The following FAM184A variants were observed in gnomAD, a reference collection of about 807,000 sequenced individuals.
FAM184A encodes family with sequence similarity 184 member A.
In FAM184A, 99 loss-of-function variants were observed where a neutral mutation model predicts 143.8. The ratio of observed to expected loss-of-function variants is 0.69; its 90% CI spans 0.58 to 0.81. The LOEUF (loss-of-function observed/expected upper bound fraction) is 0.81. FAM184A is among the 40% of genes least tolerant of loss of function. The pLI, the probability that FAM184A is intolerant of heterozygous loss-of-function variation, is 0.00. For missense variants in FAM184A, 1,217 were observed against 1,310.5 expected (o/e 0.93, Z 1.10); for synonymous variants, 427 against 446.4 (o/e 0.96, Z 0.55).
chr6:119,117,295 T>A (rs1244277798), intron 1 of FAM184A, among the ~76,000 whole-genome samples: 1 of 152,176 alleles, frequency 6.6e-6, no homozygotes, highest in East Asian at 1.9e-4. Flanking sequence ...TTGGTGACCA[T>A]GTACATAGTG....
intron 14 of FAM184A, among the ~76,000 whole-genome samples, chr6:118,969,932 A>C (rs1783625233): frequency 7.6e-6 from 1 of 131,512 alleles, no homozygotes; most frequent in South Asian, 2.5e-4. Context: ...GCTGTTTTTA[A>C]GTTGGTTCTT....
At chr6:119,116,785 T>G (rs1789074141) in intron 1 of FAM184A, among the ~76,000 whole-genome samples, 1 of 152,182 alleles carries the variant, frequency 6.6e-6, no homozygotes, top group African/African-American at 2.4e-5. Flanking sequence ...ATTTTCAGGC[T>G]TAGGGAACAG....
intron 1 of FAM184A, among the ~76,000 whole-genome samples, chr6:119,058,940 GGTT>G (rs564937961): frequency 3.8e-4 from 57 of 151,598 alleles, no homozygotes; most frequent in African/African-American, 1.4e-3. Flanking sequence ...ATAATATAAT[GGTT>G]ATTTTATTTT....
In FAM184A at chr6:119,020,150, C is replaced by A; in HGVS notation, c.1160G>T (p.Gly387Val). ...GGTCATTTGAGTTGCTTGAAGCATT[C>A]CAATATGACCTATCCCCCAAAAAGA... The part of the protein sequence containing the change: ...SDLVLKASHI[G>V]MLQATQMTQE... Residue 387 changes from glycine to valine, a missense_variant, in exon 4 of 18, where the codon GGA becomes GTA. Coordinates refer to ENST00000338891, the MANE Select transcript of FAM184A (RefSeq NM_024581.6). The A allele has an allele frequency of 1.3e-6, 2 of 1,556,332 alleles. No homozygotes were observed. Among genetic ancestry groups the A allele is most frequent in the African/African-American group, 1.4e-5 (1 of 72,198 alleles).
chr6:119,062,070 G>C (rs1356166495), intron 1 of FAM184A, among the ~76,000 whole-genome samples: 1 of 151,994 alleles, frequency 6.6e-6, no homozygotes, highest in Non-Finnish European at 1.5e-5. Flanking sequence ...TTACCATTTT[G>C]AACACAGCCA....
chr6:119,130,358 A>G (rs572206662), intron 1 of FAM184A, among the ~76,000 whole-genome samples: 1 of 152,240 alleles, frequency 6.6e-6, no homozygotes, highest in South Asian at 2.1e-4. Context: ...GACTCAGGGA[A>G]TAGAAATAAA....
At chr6:119,079,800 G>A (rs959406285), upstream of FAM184A, among the ~76,000 whole-genome samples, 1 of 152,196 alleles carries the variant, frequency 6.6e-6, no homozygotes, top group Non-Finnish European at 1.5e-5. Flanking sequence ...TAAACAAGGT[G>A]AAGGTTTAAT....
chr6:119,058,125 T>C (rs999489777), intron 1 of FAM184A, among the ~76,000 whole-genome samples: 2 of 150,678 alleles, frequency 1.3e-5, no homozygotes, highest in Non-Finnish European at 3.0e-5. Flanking sequence ...TCTTCTACAA[T>C]GTGACCTGCC....
intron 1 of FAM184A, among the ~76,000 whole-genome samples, chr6:119,143,103 C>G (rs1772300741): frequency 1.3e-5 from 2 of 152,108 alleles, no homozygotes; most frequent in African/African-American, 4.8e-5. Flanking sequence ...TTTTAGTTTT[C>G]AGAACTGTGA....
chr6:118,968,624 G>A (rs1207484550), intron 14 of FAM184A, among the ~76,000 whole-genome samples: 1 of 152,218 alleles, frequency 6.6e-6, no homozygotes, highest in African/African-American at 2.4e-5. Flanking sequence ...AGAGGTCACT[G>A]GAGCACTTTC....
rs1785557139 is a variant in FAM184A, at chr6:119,024,367, C to T, written c.606G>A (p.Leu202=). The T allele has an allele frequency of 2.5e-6, 4 of 1,614,078 alleles. No individual in the cohort carries two copies. The highest frequency in any genetic ancestry group is 3.4e-6 in the Non-Finnish European group (4 of 1,180,056). The change falls in exon 2 of 18, where the codon TTG becomes TTA. Residue 202 remains leucine, a synonymous_variant. Transcript: ENST00000338891. ...AGGCACTGTGATCCTGCTGTGACTT[C>T]AATAGCTCTTGTATCTCCCGTCTGT... is the stretch of plus-strand genomic sequence containing the variant. ...AAHRREIQEL[L]KSQQDHSASV...
At chr6:118,970,914 T>A (rs1583766629) in intron 14 of FAM184A, among the ~76,000 whole-genome samples, 1 of 152,172 alleles carries the variant, frequency 6.6e-6, no homozygotes, top group African/African-American at 2.4e-5. Context: ...ATACAAAGTT[T>A]CCAAGTTATA....
At chr6:119,119,346 CT>C (rs1789147390) in intron 1 of FAM184A, among the ~76,000 whole-genome samples, 1 of 152,190 alleles carries the variant, frequency 6.6e-6, no homozygotes, top group Non-Finnish European at 1.5e-5. Context: ...TTGAAAATCA[CT>C]AATAAAAACT....
chr6:119,114,689 A>G (rs1243577411), intron 1 of FAM184A, among the ~76,000 whole-genome samples: 2 of 152,066 alleles, frequency 1.3e-5, no homozygotes, highest in African/African-American at 4.8e-5. Flanking sequence ...CTGCAGGTAT[A>G]TGCCACCATG....
intron 1 of FAM184A, among the ~76,000 whole-genome samples, chr6:119,138,940 T>C (rs1243647754): frequency 6.6e-6 from 1 of 151,786 alleles, no homozygotes; most frequent in African/African-American, 2.4e-5. Context: ...TCATTTATAA[T>C]GATTCTTGTG....
upstream of FAM184A, among the ~76,000 whole-genome samples, chr6:119,080,491 C>T (rs2114805877): frequency 1.3e-5 from 2 of 152,222 alleles, no homozygotes; most frequent in African/African-American, 4.8e-5. Context: ...AATATTTTTC[C>T]CCACGACAAT....
chr6:119,006,518 T>C lies in FAM184A; in HGVS notation c.1744A>G (p.Arg582Gly). The change falls in exon 7 of 18, where the codon AGG (arginine) becomes GGG (glycine). Residue 582 changes from arginine to glycine, a missense_variant. Coordinates refer to ENST00000338891, the MANE Select transcript of FAM184A (RefSeq NM_024581.6). The part of the protein sequence containing the change: ...LIASLQDSQE[R>G]LQNELDLTKD... ...GTCAAGTCAAGCTCATTCTGAAGCCTTTCCTGGGAGTCCTGAAGACTAGCA... is the reference window on the plus strand; with the variant it reads ...GTCAAGTCAAGCTCATTCTGAAGCCCTTCCTGGGAGTCCTGAAGACTAGCA... 1 of 1,614,068 alleles carries C rather than the reference T, an allele frequency of 6.2e-7. No homozygotes were observed. Among genetic ancestry groups the C allele is most frequent in the Admixed American group, 1.7e-5 (1 of 60,020 alleles).
chr6:118,972,080 T>G (rs1240975419), intron 14 of FAM184A, among the ~76,000 whole-genome samples: 1 of 152,184 alleles, frequency 6.6e-6, no homozygotes, highest in Non-Finnish European at 1.5e-5. Flanking sequence ...CACAGCTCCA[T>G]AAGTTGGAAC....
At chr6:119,141,614 C>T (rs1028964125) in intron 1 of FAM184A, among the ~76,000 whole-genome samples, 2 of 152,084 alleles carry the variant, frequency 1.3e-5, no homozygotes, top group Admixed American at 6.5e-5. Flanking sequence ...GTAGCTGGGA[C>T]TACAGGTGTG....
Sources: allele counts gnomAD v4.1 joint callset (sites outside exome capture counted in the v4.1 genomes callset), GRCh38; gene constraint gnomAD v4.1.1; transcripts MANE v1.5; gene names NCBI Gene and HGNC (gene_info 2026-07-23, HGNC 2026-07-21).